NEK10: variants seen among roughly 807,000 people sequenced by gnomAD.
The protein encoded by NEK10 is NIMA related kinase 10, also known as serine/threonine-protein kinase Nek10.
In NEK10, 122 loss-of-function variants were observed where a neutral mutation model predicts 159.8. The observed-to-expected ratio is 0.76, with a 90% confidence interval of 0.66 to 0.89. The LOEUF (loss-of-function observed/expected upper bound fraction) is 0.89. Ranked by LOEUF, NEK10 falls within the 40% of genes least tolerant of loss-of-function variation. NEK10 has a pLI of 0.00. For synonymous variants in NEK10, 466 were observed against 457.1 expected (o/e 1.02, Z -0.25); for missense variants, 1,342 against 1,323.1 (o/e 1.01, Z -0.22).
rs1418901655 is a variant in NEK10, at chr3:27,346,160, G to A, written c.189C>T (p.Ala63=). The A allele has an allele frequency of 6.2e-7, 1 of 1,613,736 alleles. No homozygotes were observed. The highest frequency in any genetic ancestry group is 8.5e-7 in the Non-Finnish European group (1 of 1,179,702). Residue 63 remains alanine, a synonymous_variant, in exon 4 of 36, where the codon GCC becomes GCT. Coordinates refer to ENST00000691995, the MANE Select transcript of NEK10 (RefSeq NM_001394966.1). The part of the protein sequence containing the change: ...AQNSMTKSEP[A]IRAGGHRARG... Reference sequence around the variant, plus strand: ...GAGCTCTGTGTCCACCCGCCCTGATGGCGGGCTCAGACTTCGTCATGCTAT... The same window carrying A: ...GAGCTCTGTGTCCACCCGCCCTGATAGCGGGCTCAGACTTCGTCATGCTAT...
intron 22 of NEK10, among the ~76,000 whole-genome samples, chr3:27,275,850 A>T (rs184030159): frequency 1.6e-3 from 242 of 152,348 alleles, no homozygotes; most frequent in African/African-American, 5.4e-3. Flanking sequence ...CTGGCAATAC[A>T]GGGTAGGTCC....
At chr3:27,315,868 G>A (rs1229244898) in intron 6 of NEK10, among the ~76,000 whole-genome samples, 1 of 152,178 alleles carries the variant, frequency 6.6e-6, no homozygotes, top group Non-Finnish European at 1.5e-5. Flanking sequence ...TGTGGGTGGT[G>A]GTCTCTAAAT....
chr3:27,265,967 C>T (rs556913585), intron 22 of NEK10, among the ~76,000 whole-genome samples: 21 of 151,946 alleles, frequency 1.4e-4, no homozygotes, highest in East Asian at 1.4e-3. Context: ...CCACCACGCC[C>T]GGCTAATTTT....
rs1180468203 is a variant in NEK10, at chr3:27,107,877, G to A, written c.*3395C>T. On this transcript the variant is annotated 3_prime_UTR_variant, in exon 36 of 36. Coordinates refer to ENST00000691995, the MANE Select transcript of NEK10 (RefSeq NM_001394966.1). ...TAAAGGAACCCAGCATATTGACTGT[G>A]CATGATTCCTCACCACTTCAAAAAA... 1.3e-5 allele frequency among the ~76,000 whole-genome samples: 2 copies of A among 152,298 alleles called. No homozygotes were observed. Among genetic ancestry groups the A allele is most frequent in the Non-Finnish European group, 2.9e-5 (2 of 68,018 alleles).
intron 22 of NEK10, among the ~76,000 whole-genome samples, chr3:27,263,242 C>T (rs1223929947): frequency 6.6e-6 from 1 of 152,206 alleles, no homozygotes. Context: ...GGGGTGCCTC[C>T]CAGTTAGTCT....
chr3:27,333,342 T>A (rs984839230), intron 5 of NEK10, among the ~76,000 whole-genome samples: 1 of 151,706 alleles, frequency 6.6e-6, no homozygotes, highest in African/African-American at 2.4e-5. Context: ...GGTCAGGAGA[T>A]CAAGACCAGC....
At chr3:27,161,461 A>G (rs1229875615) in intron 30 of NEK10, among the ~76,000 whole-genome samples, 1 of 152,220 alleles carries the variant, frequency 6.6e-6, no homozygotes, top group Non-Finnish European at 1.5e-5. Context: ...TTAGCTCTAC[A>G]AAAGAATGTG....
At chr3:27,152,157 C>T (rs1223231996) in intron 30 of NEK10, among the ~76,000 whole-genome samples, 1 of 152,116 alleles carries the variant, frequency 6.6e-6, no homozygotes. Flanking sequence ...CTGGGAAATT[C>T]ATTGCAAAAA....
At chr3:27,135,269 A>G (rs190538372) in intron 31 of NEK10, among the ~76,000 whole-genome samples, 2 of 152,326 alleles carry the variant, frequency 1.3e-5, no homozygotes, top group Admixed American at 6.5e-5. Flanking sequence ...AAAGAAACAA[A>G]TAAACAAACA....
intron 26 of NEK10, among the ~76,000 whole-genome samples, chr3:27,184,828 AT>A (rs1948463281): frequency 6.6e-6 from 1 of 152,212 alleles, no homozygotes; most frequent in South Asian, 2.1e-4. Flanking sequence ...CATTTTCTAC[AT>A]GGCTTAATTT....
intron 32 of NEK10, among the ~76,000 whole-genome samples, chr3:27,129,321 A>G (rs919740569): frequency 3.3e-5 from 5 of 152,150 alleles, no homozygotes; most frequent in African/African-American, 1.2e-4. Flanking sequence ...CTAGGGACAC[A>G]GGGCCCGTGG....
rs540847392 is a variant in NEK10 at position 27,139,562 on chromosome 3, A to G, written c.2970+1920T>C. 3.3e-5 allele frequency among the ~76,000 whole-genome samples: 5 copies of G among 152,348 alleles called. No individual in the cohort carries two copies. In the East Asian group the frequency reaches 9.7e-4, roughly 29 times the overall value. On this transcript the variant is annotated intron_variant, in intron 31 of 35. Coordinates refer to ENST00000691995, the MANE Select transcript of NEK10 (RefSeq NM_001394966.1). ...AGTGGATTCTAAGAAGGGTAGGCCA[A>G]GAAGGGTAAAAACTATAGCACTAGA...
Position 27,297,248 on chromosome 3 carries a change from G to A in NEK10, c.1169-8C>T. The A allele has an allele frequency of 1.9e-6, 3 of 1,603,138 alleles. No individual in the cohort carries two copies. In the South Asian group the frequency reaches 3.3e-5, roughly 18 times the overall value. ...TGAGGGCAGCACAGCAGGCTGGAAT[G>A]ACAACAATCAAATGCATAGTGTGCA... On this transcript the variant is annotated splice_region_variant and splice_polypyrimidine_tract_variant and intron_variant, in intron 13 of 35. Coordinates refer to ENST00000691995, the MANE Select transcript of NEK10 (RefSeq NM_001394966.1).
intron 23 of NEK10, among the ~76,000 whole-genome samples, chr3:27,233,424 G>C (rs1216431882): frequency 6.6e-6 from 1 of 151,912 alleles, no homozygotes; most frequent in Non-Finnish European, 1.5e-5. Flanking sequence ...TGTGGATGTG[G>C]TGAAAAAGGA....
At chr3:27,341,085 A>G (rs1405048103) in intron 5 of NEK10, among the ~76,000 whole-genome samples, 1 of 152,220 alleles carries the variant, frequency 6.6e-6, no homozygotes, top group African/African-American at 2.4e-5. Flanking sequence ...GTTAAGTGAA[A>G]TAACCCAGGC....
intron 23 of NEK10, among the ~76,000 whole-genome samples, chr3:27,212,929 T>C (rs1370583902): frequency 6.6e-6 from 1 of 152,194 alleles, no homozygotes; most frequent in African/African-American, 2.4e-5. Flanking sequence ...GCTGACTTCC[T>C]AGAACTAAAT....
chr3:27,199,279 C>T (rs937095090), intron 25 of NEK10, among the ~76,000 whole-genome samples: 1 of 151,890 alleles, frequency 6.6e-6, no homozygotes, highest in African/African-American at 2.4e-5. Flanking sequence ...AAAAACAACC[C>T]CATTAAAAAG....
At chr3:27,287,773 T>G in intron 19 of NEK10, 30 bp from the exon 20 acceptor site, 1 of 1,502,068 alleles carries the variant, frequency 6.7e-7, no homozygotes, top group Non-Finnish European at 8.8e-7. Flanking sequence ...AAACATGTAT[T>G]GCACTGCTTC....
chr3:27,203,532 C>G (rs1950223316), intron 23 of NEK10, among the ~76,000 whole-genome samples: 1 of 151,952 alleles, frequency 6.6e-6, no homozygotes, highest in Admixed American at 6.6e-5. Context: ...GAAGCTTCCT[C>G]TAACATATAT....
Sources: allele counts gnomAD v4.1 joint callset (sites outside exome capture counted in the v4.1 genomes callset), GRCh38; gene constraint gnomAD v4.1.1; transcripts MANE v1.5; gene names NCBI Gene and HGNC (gene_info 2026-07-23, HGNC 2026-07-21).